KCMF1: variants seen among roughly 807,000 people sequenced by gnomAD.
KCMF1 encodes potassium channel modulatory factor 1.
A neutral mutation model predicts 41.1 loss-of-function variants in KCMF1; 3 were observed. The observed-to-expected ratio is 0.07, with a 90% CI of 0.03 to 0.19. The LOEUF is 0.19. KCMF1 is among the 10% of genes least tolerant of loss of function. The probability of loss-of-function intolerance (pLI) is 1.00; values close to 1 mark genes in which losing one functional copy is unlikely to be tolerated. For missense variants in KCMF1, 286 were observed against 488.9 expected (o/e 0.58, Z 3.91); for synonymous variants, 142 against 164.5 (o/e 0.86, Z 1.04).
intron 1 of KCMF1, among the ~76,000 whole-genome samples, chr2:84,974,890 G>T (rs113742655): frequency 0.018 from 2,757 of 151,084 alleles, 69 homozygotes; most frequent in African/African-American, 0.063. Flanking sequence ...ATTTCGTTTA[G>T]TAGAGATGGG....
At chr2:85,015,153 C>CAAAA (rs34773304) in intron 1 of KCMF1, among the ~76,000 whole-genome samples, 1 of 49,002 alleles carries the variant, frequency 2.0e-5, no homozygotes, top group Non-Finnish European at 4.4e-5. Flanking sequence ...GACTCCATCT[C>CAAAA]AAAAAAAAAA....
At chr2:85,022,518 C>T (rs1031146268) in intron 1 of KCMF1, among the ~76,000 whole-genome samples, 3 of 152,144 alleles carry the variant, frequency 2.0e-5, no homozygotes, top group Admixed American at 2.0e-4. Context: ...CAGTTTTCCA[C>T]CTGACAGTCC....
At chr2:84,997,921 C>T (rs11891422) in intron 1 of KCMF1, among the ~76,000 whole-genome samples, 1,893 of 151,310 alleles carry the variant, frequency 0.013, 53 homozygotes, top group African/African-American at 0.044. Flanking sequence ...AGGTGTGCAT[C>T]ACCACACCCA....
In KCMF1 at chr2:85,031,126, C is replaced by T. The variant is rs147607540; in HGVS notation, c.184+3070C>T. On this transcript the variant is annotated intron_variant, in intron 2 of 6. Transcript: ENST00000409785. ...AATATTATTTTGGGTATTCTGTGTCCGTTTCATTTCTGTATTTTAGATTCA... is the reference window on the plus strand; with the variant it reads ...AATATTATTTTGGGTATTCTGTGTCTGTTTCATTTCTGTATTTTAGATTCA... Among the ~76,000 whole-genome samples the T allele has an allele frequency of 2.7e-3, 413 of 152,192 alleles. 3 individuals are homozygous for T. Among genetic ancestry groups the T allele is most frequent in the African/African-American group, 9.5e-3 (396 of 41,536 alleles).
chr2:84,997,641 G>C (rs1291999996), intron 1 of KCMF1, among the ~76,000 whole-genome samples: 2 of 152,072 alleles, frequency 1.3e-5, no homozygotes, highest in Non-Finnish European at 2.9e-5. Flanking sequence ...TAAAATTGTT[G>C]AGTGGTGTCT....
chr2:85,022,632 G>T (rs1479045287), intron 1 of KCMF1, among the ~76,000 whole-genome samples: 4 of 152,020 alleles, frequency 2.6e-5, no homozygotes, highest in South Asian at 4.1e-4. Context: ...ATAAAATATT[G>T]GTTGGATATA....
intron 1 of KCMF1, among the ~76,000 whole-genome samples, chr2:84,976,431 C>T (rs1673546511): frequency 6.6e-6 from 1 of 152,024 alleles, no homozygotes; most frequent in South Asian, 2.1e-4. Flanking sequence ...GTCTCGAACT[C>T]CTGACCGCAA....
At chr2:85,008,310 G>T (rs1176583686) in intron 1 of KCMF1, among the ~76,000 whole-genome samples, 11 of 16,220 alleles carry the variant, frequency 6.8e-4, no homozygotes, top group African/African-American at 2.4e-3. Context: ...TATATAATAT[G>T]ATATATATAT....
chr2:85,053,513 A>C lies in KCMF1; in HGVS notation c.*104A>C, dbSNP rs905634550. On this transcript the variant is annotated 3_prime_UTR_variant, in exon 7 of 7. Coordinates refer to ENST00000409785, the MANE Select transcript of KCMF1 (RefSeq NM_020122.5). Reference sequence around the variant, plus strand: ...TGGTGATTGTAATTTCAGGTCTGTCACTCTTGTTACATTGTGTACATTCAA... The same window carrying C: ...TGGTGATTGTAATTTCAGGTCTGTCCCTCTTGTTACATTGTGTACATTCAA... The C allele has an allele frequency of 6.2e-6, 7 of 1,130,112 alleles. No individual in the cohort carries two copies. In the African/African-American group the frequency reaches 1.1e-4, roughly 18 times the overall value. The allele number at this position is 1,130,112 out of a possible 1,614,324, so 70.0% of individuals were successfully genotyped here. A position where few individuals can be genotyped will look rare whatever the true frequency, so the allele number is the denominator to read the frequency against.
intron 2 of KCMF1, among the ~76,000 whole-genome samples, chr2:85,032,912 G>A (rs1319174407): frequency 6.6e-6 from 1 of 152,160 alleles, no homozygotes; most frequent in Non-Finnish European, 1.5e-5. Flanking sequence ...CTGTCTGGAT[G>A]CCTTTCATTT....
intron 2 of KCMF1, among the ~76,000 whole-genome samples, chr2:85,032,551 A>G (rs1166560836): frequency 6.6e-5 from 10 of 151,732 alleles, no homozygotes; most frequent in Non-Finnish European, 1.2e-4. Context: ...TAATTTTTGT[A>G]TTTTTAGTAG....
chr2:84,978,107 C>T (rs1308301354), intron 1 of KCMF1, among the ~76,000 whole-genome samples: 5 of 152,014 alleles, frequency 3.3e-5, no homozygotes, highest in South Asian at 4.1e-4. Flanking sequence ...AAGTGATTCT[C>T]CTGCCTCAGC....
intron 1 of KCMF1, among the ~76,000 whole-genome samples, chr2:85,004,081 C>T (rs768230070): frequency 7.9e-5 from 12 of 152,118 alleles, no homozygotes; most frequent in African/African-American, 1.4e-4. Context: ...GATTCACCTC[C>T]GAGTGGGACA....
At chr2:84,988,292 C>T (rs1242051667) in intron 1 of KCMF1, among the ~76,000 whole-genome samples, 1 of 151,822 alleles carries the variant, frequency 6.6e-6, no homozygotes, top group Non-Finnish European at 1.5e-5. Context: ...GATGAAGAGG[C>T]AGCAAGGGGA....
intron 1 of KCMF1, among the ~76,000 whole-genome samples, chr2:84,994,694 C>T (rs749034958): frequency 2.6e-5 from 4 of 152,064 alleles, no homozygotes; most frequent in Non-Finnish European, 4.4e-5. Flanking sequence ...TGAGCCACCA[C>T]GCCCAGCCAA....
At chr2:85,011,430 C>T (rs1391716244) in intron 1 of KCMF1, among the ~76,000 whole-genome samples, 3 of 152,148 alleles carry the variant, frequency 2.0e-5, no homozygotes, top group African/African-American at 4.8e-5. Context: ...TGCTTCTGGG[C>T]CCTGTCACCT....
chr2:85,004,282 C>T (rs991251630), intron 1 of KCMF1, among the ~76,000 whole-genome samples: 3 of 151,994 alleles, frequency 2.0e-5, no homozygotes, highest in Non-Finnish European at 2.9e-5. Flanking sequence ...GAGGCCAAGG[C>T]GGGCAGATCA....
In KCMF1 at chr2:84,995,105, T is replaced by A. The variant is rs552767901; in HGVS notation, c.16+23638T>A. 2.6e-4 allele frequency among the ~76,000 whole-genome samples: 39 copies of A among 152,006 alleles called. 1 individual carries two copies. The South Asian group carries it at 7.9e-3, about 31-fold the overall frequency. ...GGTGCGATCTTGGCTCACTACAACC[T>A]CCGCCTCCTGGGTTCAAGCAATTCT... is the stretch of plus-strand genomic sequence containing the variant. On this transcript the variant is annotated intron_variant, in intron 1 of 6. Coordinates refer to ENST00000409785, the MANE Select transcript of KCMF1 (RefSeq NM_020122.5).
At chr2:84,993,484 C>A (rs935400457) in intron 1 of KCMF1, among the ~76,000 whole-genome samples, 1 of 152,002 alleles carries the variant, frequency 6.6e-6, no homozygotes, top group African/African-American at 2.4e-5. Context: ...TTGATGTACT[C>A]CCTTAATCTA....
Sources: gnomAD v4.1 joint callset for allele counts (sites outside exome capture counted in the v4.1 genomes callset) on GRCh38, gnomAD v4.1.1 for gene constraint, MANE v1.5 for transcripts, NCBI Gene and HGNC (gene_info 2026-07-23, HGNC 2026-07-21) for gene names.